The following DNAH8 variants were observed in gnomAD, a reference collection of about 807,000 sequenced individuals.
The protein encoded by DNAH8 is dynein axonemal heavy chain 8, also known as axonemal beta dynein heavy chain 8.
DNAH8 carries 382 observed loss-of-function variants against 562.1 expected under a neutral mutation model. The observed-to-expected ratio is 0.68, with a 90% CI of 0.63 to 0.74. The LOEUF is 0.74. DNAH8 is among the 30% of genes least tolerant of loss of function. DNAH8 has a pLI of 0.00. For missense variants in DNAH8, 5,203 were observed against 5,620.4 expected (o/e 0.93, Z 2.37); for synonymous variants, 1,881 against 1,919.4 (o/e 0.98, Z 0.52).
At chr6:38,863,506 A>G (rs993382982) in intron 44 of DNAH8, among the ~76,000 whole-genome samples, 6 of 151,072 alleles carry the variant, frequency 4.0e-5, no homozygotes, top group African/African-American at 1.2e-4. Flanking sequence ...CACAACAACA[A>G]CAACAACAAC....
chr6:38,982,142 G>A (rs142823278), intron 85 of DNAH8, among the ~76,000 whole-genome samples: 21 of 152,280 alleles, frequency 1.4e-4, no homozygotes, highest in East Asian at 1.2e-3. Flanking sequence ...AGATGTTTGC[G>A]TGAGGAAATT....
intron 8 of DNAH8, among the ~76,000 whole-genome samples, chr6:38,747,556 T>C (rs1261408375): frequency 6.6e-6 from 1 of 152,106 alleles, no homozygotes; most frequent in Non-Finnish European, 1.5e-5. Flanking sequence ...CCAGCTAATT[T>C]TTGTATGTTT....
rs766446337 is a variant in DNAH8 at position 38,770,487 on chromosome 6, G to A, written c.1692G>A (p.Gly564=). 6.2e-7 allele frequency: 1 copy of A among 1,606,260 alleles called. No homozygotes were observed. The highest frequency in any genetic ancestry group is 8.5e-7 in the Non-Finnish European group (1 of 1,176,690). Residue 564 remains glycine (G), a synonymous_variant, in exon 12 of 93, where the codon GGG becomes GGA. Coordinates refer to ENST00000327475, the MANE Select transcript of DNAH8 (RefSeq NM_001206927.2). ...KTRKLISESS[G]EKSFEVSEMY... ...GGAAACTGATTTCAGAATCCTCAGGGGAAAAATCTTTTGAGGTTTCAGAAA... is the reference window on the plus strand; with the variant it reads ...GGAAACTGATTTCAGAATCCTCAGGAGAAAAATCTTTTGAGGTTTCAGAAA...
At chr6:38,866,525 A>G in intron 45 of DNAH8, 66 bp from the exon 46 acceptor site, 1 of 1,126,584 alleles carries the variant, frequency 8.9e-7, no homozygotes, top group Non-Finnish European at 1.3e-6. Flanking sequence ...GGGGTTTGAA[A>G]TATATTTGTA....
intron 7 of DNAH8, 29 bp from the exon 8 acceptor site, chr6:38,741,682 C>G (rs773740103): frequency 1.3e-6 from 2 of 1,548,420 alleles, no homozygotes; most frequent in African/African-American, 2.8e-5. Context: ...TGTAACATTT[C>G]TATATTTTAT....
At chr6:38,730,975 C>T (rs1444157320) in intron 4 of DNAH8, among the ~76,000 whole-genome samples, 3 of 152,318 alleles carry the variant, frequency 2.0e-5, no homozygotes, top group Admixed American at 6.5e-5. Flanking sequence ...CCATAGCCAT[C>T]ACTGTTCTCC....
intron 79 of DNAH8, among the ~76,000 whole-genome samples, chr6:38,941,821 A>G (rs1008470333): frequency 6.6e-6 from 1 of 152,162 alleles, no homozygotes; most frequent in Non-Finnish European, 1.5e-5. Context: ...GACCCCCACA[A>G]TCTGGGGAAG....
intron 21 of DNAH8, among the ~76,000 whole-genome samples, chr6:38,798,487 T>A (rs963836644): frequency 6.6e-6 from 1 of 152,158 alleles, no homozygotes; most frequent in Non-Finnish European, 1.5e-5. Context: ...ATGCTTTACT[T>A]TGTGTGGCCT....
At chr6:38,993,884 A>C (rs937091992) in intron 88 of DNAH8, among the ~76,000 whole-genome samples, 4 of 152,146 alleles carry the variant, frequency 2.6e-5, no homozygotes, top group Non-Finnish European at 4.4e-5. Flanking sequence ...TCTTCCATTA[A>C]TAACTTTATG....
At chr6:38,989,150 C>A (rs1036549604) in intron 87 of DNAH8, among the ~76,000 whole-genome samples, 1 of 152,170 alleles carries the variant, frequency 6.6e-6, no homozygotes, top group African/African-American at 2.4e-5. Flanking sequence ...TACTAGAGAA[C>A]GTGTGACCAA....
chr6:38,926,309 C>T lies in DNAH8; in HGVS notation c.11118+99C>T, dbSNP rs140297121. 6.0e-5 allele frequency: 79 copies of T among 1,316,106 alleles called. No individual in the cohort carries two copies. In the African/African-American group the frequency reaches 7.3e-4, roughly 12 times the overall value. 81.5% of individuals were successfully genotyped at this position (1,316,106 alleles called of 1,614,324 possible). Reference sequence around the variant, plus strand: ...AGTCATAAAGTTGTCATCTCCATGACAAATGTTTGCTAATTCACACTCTTG... The same window carrying T: ...AGTCATAAAGTTGTCATCTCCATGATAAATGTTTGCTAATTCACACTCTTG... On this transcript the variant is annotated intron_variant, in intron 74 of 92. Transcript: ENST00000327475.
rs748486865 is a variant in DNAH8 at position 38,853,198 on chromosome 6, G to T, written c.5584G>T (p.Val1862Phe). Reference protein sequence around the residue: ...EGEKIVLDNSVMAKGPVEIWL... With the variant: ...EGEKIVLDNSFMAKGPVEIWL... Reference sequence around the variant, plus strand: ...AATTTTGTTTTAGTTGGATAATTCTGTTATGGCCAAAGGTCCTGTGGAGAT... The same window carrying T: ...AATTTTGTTTTAGTTGGATAATTCTTTTATGGCCAAAGGTCCTGTGGAGAT... The change falls in exon 41 of 93, where the codon GTT becomes TTT. Residue 1862 changes from valine (V) to phenylalanine (F), a missense_variant. Around this residue, in one of 6 missense-constraint regions of DNAH8, gnomAD observed 2,176 missense variants for 2,365.1 expected, o/e 0.92. Coordinates refer to ENST00000327475, the MANE Select transcript of DNAH8 (RefSeq NM_001206927.2). 25 of 1,603,350 alleles carry T rather than the reference G, an allele frequency of 1.6e-5. No homozygotes were observed. Among genetic ancestry groups the T allele is most frequent in the Non-Finnish European group, 1.9e-5 (22 of 1,177,138 alleles).
chr6:38,770,426 T>C lies in DNAH8; in HGVS notation c.1631T>C (p.Leu544Pro), dbSNP rs1454966653. 1 of 1,582,904 alleles carries C rather than the reference T, an allele frequency of 6.3e-7. No homozygotes were observed. ...VLKKIQDCIF[L>P]FKEYQASFHK... ...CTTTTCTCATAGGACTGCATTTTTCTATTCAAGGAATATCAGGCATCTTTT... is the reference window on the plus strand; with the variant it reads ...CTTTTCTCATAGGACTGCATTTTTCCATTCAAGGAATATCAGGCATCTTTT... The change falls in exon 12 of 93, where the codon CTA becomes CCA. Residue 544 changes from leucine (L) to proline (P), a missense_variant. Leu to Pro is a moderately conservative substitution (Grantham distance 98). Around this residue, in one of 6 missense-constraint regions of DNAH8, gnomAD observed 2,176 missense variants for 2,365.1 expected, o/e 0.92. Coordinates refer to ENST00000327475, the MANE Select transcript of DNAH8 (RefSeq NM_001206927.2).
intron 26 of DNAH8, among the ~76,000 whole-genome samples, chr6:38,820,821 T>A (rs1380681132): frequency 6.6e-6 from 1 of 152,210 alleles, no homozygotes; most frequent in Non-Finnish European, 1.5e-5. Context: ...CCTTTCATGA[T>A]AAACATGCTC....
At chr6:38,720,533 G>A (rs750078986) in intron 1 of DNAH8, among the ~76,000 whole-genome samples, 1 of 152,178 alleles carries the variant, frequency 6.6e-6, no homozygotes, top group Non-Finnish European at 1.5e-5. Flanking sequence ...GACATCTAGT[G>A]CTGGAAATGA....
chr6:38,805,574 A>G lies in DNAH8; in HGVS notation c.3128A>G (p.Asp1043Gly). The change falls in exon 23 of 93, where the codon GAT (aspartate) becomes GGT (glycine). Residue 1043 changes from aspartate to glycine, a missense_variant. Physicochemically the swap from Asp to Gly is moderately conservative, Grantham distance 94 (BLOSUM62 -1). Transcript: ENST00000327475. Reference protein sequence around the residue: ...ANIVNEFDTHDKEDEFKKECK... With the variant: ...ANIVNEFDTHGKEDEFKKECK... ...ATTGTGAATGAGTTTGATACTCATGATAAAGAAGATGAATTTAAAAAGGTA... is the reference window on the plus strand; with the variant it reads ...ATTGTGAATGAGTTTGATACTCATGGTAAAGAAGATGAATTTAAAAAGGTA... 1.9e-6 allele frequency: 3 copies of G among 1,561,014 alleles called. No homozygotes were observed. The highest frequency in any genetic ancestry group is 2.6e-6 in the Non-Finnish European group (3 of 1,132,282).
chr6:39,002,263 C>G (rs1427466171), intron 88 of DNAH8, among the ~76,000 whole-genome samples: 2 of 152,170 alleles, frequency 1.3e-5, no homozygotes, highest in Admixed American at 1.3e-4. Context: ...TCTTCCCTAA[C>G]ATAGCAGTTC....
rs140462076 is a variant in DNAH8, at chr6:38,886,890, G to C, written c.8359G>C (p.Ala2787Pro). Residue 2787 changes from alanine to proline, a missense_variant, in exon 57 of 93, where the codon GCA becomes CCA. By Grantham distance (27) the Ala-to-Pro change is conservative (BLOSUM62 -1). This residue lies in a region of DNAH8 where 977 missense variants were observed against 1,061.8 expected (regional missense o/e 0.92). Transcript: ENST00000327475. ...FTTIVDVQLI[A>P]AMIHPGGGRN... ...TACTATTGTTGATGTGCAGCTCATA[G>C]CAGCAATGATCCACCCTGGAGGTGG... The C allele has an allele frequency of 6.2e-7, 1 of 1,614,018 alleles. No individual in the cohort carries two copies. The highest frequency in any genetic ancestry group is 8.5e-7 in the Non-Finnish European group (1 of 1,179,896).
At chr6:38,897,439 TATAAC>T (rs1032670740) in intron 60 of DNAH8, among the ~76,000 whole-genome samples, 22 of 151,908 alleles carry the variant, frequency 1.4e-4, no homozygotes, top group African/African-American at 4.6e-4. Context: ...AGACAGAAAA[TATAAC>T]ATAAAAGTAT....
Sources: allele counts gnomAD v4.1 joint callset (sites outside exome capture counted in the v4.1 genomes callset), GRCh38; gene constraint gnomAD v4.1.1; regional missense constraint gnomAD v4.1.1; transcripts MANE v1.5; gene names NCBI Gene and HGNC (gene_info 2026-07-23, HGNC 2026-07-21).